The following MAGED1 variants were observed in gnomAD, a reference collection of about 807,000 sequenced individuals.
MAGED1 encodes MAGE family member D1.
A neutral mutation model predicts 54.1 loss-of-function variants in MAGED1; 3 were observed. That is an observed-to-expected ratio of 0.06 (90% CI 0.03 to 0.14). The LOEUF is 0.14. Among genes scored for constraint, MAGED1 ranks in the 10% least tolerant of loss-of-function variants. The probability of loss-of-function intolerance (pLI) is 1.00; values close to 1 mark genes in which losing one functional copy is unlikely to be tolerated. For synonymous variants in MAGED1, 217 were observed against 227.3 expected (o/e 0.95, Z 0.41); for missense variants, 485 against 623.4 (o/e 0.78, Z 2.36).
chrX:51,886,745 G>T (rs782089974), intron 1 of MAGED1, among the ~76,000 whole-genome samples: 25 of 111,171 alleles, frequency 2.2e-4, no homozygotes, highest in African/African-American at 8.2e-4. Flanking sequence ...CTAGCAATGA[G>T]CACGTGGAAA....
chrX:51,809,122 A>T lies in MAGED1; in HGVS notation c.-37+6005A>T, dbSNP rs1022535529. Among the ~76,000 whole-genome samples the T allele has an allele frequency of 6.3e-4, 66 of 105,562 alleles. 1 individual carries two copies. Among genetic ancestry groups the T allele is most frequent in the South Asian group, 1.2e-3 (3 of 2,450 alleles). 91.7% of individuals were successfully genotyped at this position (105,562 alleles called of 115,157 possible). A position where few individuals can be genotyped will look rare whatever the true frequency, so the allele number is the denominator to read the frequency against. On this transcript the variant is annotated intron_variant, in intron 1 of 12. Coordinates refer to the MAGED1 transcript ENST00000375772. ...TCCCCTTTTTATTTTATTTTATTTTATTTTTTTTTTGAGACGGAGTCTCGC... is the reference window on the plus strand; with the variant it reads ...TCCCCTTTTTATTTTATTTTATTTTTTTTTTTTTTTGAGACGGAGTCTCGC...
chrX:51,894,891 G>A (rs2147016904), intron 2 of MAGED1, 162 bp from the exon 3 acceptor site: 7 of 935,797 alleles, frequency 7.5e-6, no homozygotes, highest in South Asian at 5.5e-5. Context: ...GTCCCCCATC[G>A]CCCCTCGCGG....
chrX:51,810,377 T>C (rs1925175996), intron 1 of MAGED1, among the ~76,000 whole-genome samples: 1 of 112,351 alleles, frequency 8.9e-6, no homozygotes, highest in Non-Finnish European at 1.9e-5. Context: ...TTAGTTGTGC[T>C]CTTTTCCCTG....
At chrX:51,884,307 A>G (rs1928166312) in intron 1 of MAGED1, among the ~76,000 whole-genome samples, 1 of 111,805 alleles carries the variant, frequency 8.9e-6, no homozygotes. Context: ...GCAATGACAG[A>G]CAGAAGCTCT....
chrX:51,850,317 C>A (rs1926839907), intron 1 of MAGED1, among the ~76,000 whole-genome samples: 1 of 111,965 alleles, frequency 8.9e-6, no homozygotes, highest in African/African-American at 3.2e-5. Context: ...AAGGAAATTA[C>A]CAGTATTTGG....
intron 1 of MAGED1, among the ~76,000 whole-genome samples, chrX:51,872,553 T>C (rs1927719811): frequency 8.9e-6 from 1 of 112,467 alleles, no homozygotes; most frequent in African/African-American, 3.2e-5. Flanking sequence ...ATATGTTATG[T>C]TACATTTCTG....
chrX:51,900,320 T>C, intron 11 of MAGED1, 24 bp downstream of exon 11: 1 of 1,127,110 alleles, frequency 8.9e-7, no homozygotes, highest in Non-Finnish European at 1.2e-6. Flanking sequence ...TGTTCCAGCA[T>C]TGATAGGTCA....
At chrX:51,869,562 A>AC (rs1557361346) in intron 1 of MAGED1, among the ~76,000 whole-genome samples, 1 of 109,561 alleles carries the variant, frequency 9.1e-6, no homozygotes, top group African/African-American at 3.3e-5. Context: ...TTCATTTTTA[A>AC]TTTTTTTTTA....
intron 1 of MAGED1, among the ~76,000 whole-genome samples, chrX:51,837,520 A>G (rs1355801669): frequency 8.9e-6 from 1 of 112,158 alleles, no homozygotes; most frequent in Non-Finnish European, 1.9e-5. Flanking sequence ...TTTACAATGA[A>G]GCCTTTGTGC....
intron 1 of MAGED1, among the ~76,000 whole-genome samples, chrX:51,850,670 A>G (rs1602236381): frequency 9.0e-6 from 1 of 111,231 alleles, no homozygotes; most frequent in Middle Eastern, 4.6e-3. Context: ...AGGCCAAGGC[A>G]GGCACATCAC....
chrX:51,844,754 T>C (rs1319603321), intron 1 of MAGED1, among the ~76,000 whole-genome samples: 2 of 111,685 alleles, frequency 1.8e-5, no homozygotes, highest in Non-Finnish European at 3.8e-5. Context: ...AGGATAGATA[T>C]CTGGAGGAAG....
chrX:51,856,547 C>T (rs1038541048), intron 1 of MAGED1, among the ~76,000 whole-genome samples: 20 of 112,103 alleles, frequency 1.8e-4, no homozygotes, highest in African/African-American at 6.2e-4. Flanking sequence ...AACTGTTACT[C>T]ATGTTCTTTG....
intron 1 of MAGED1, among the ~76,000 whole-genome samples, chrX:51,849,141 G>A (rs1265814753): frequency 9.1e-6 from 1 of 110,417 alleles, no homozygotes; most frequent in African/African-American, 3.3e-5. Context: ...ATTTTTTTCT[G>A]AATGATTAAT....
At chrX:51,803,627 CTTTTTTTTT>C (rs1179676499) in intron 1 of MAGED1, among the ~76,000 whole-genome samples, 1 of 60,467 alleles carries the variant, frequency 1.7e-5, no homozygotes, top group Admixed American at 2.1e-4. Flanking sequence ...AAGGTCAAGG[CTTTTTTTTT>C]TTTTTTTTTT....
At chrX:51,817,411 A>G (rs1250598662) in intron 1 of MAGED1, among the ~76,000 whole-genome samples, 2 of 111,867 alleles carry the variant, frequency 1.8e-5, no homozygotes, top group Non-Finnish European at 3.8e-5. Context: ...CCCCATACCC[A>G]ATATTGTTGA....
chrX:51,873,057 AAT>A (rs200131318), intron 1 of MAGED1, among the ~76,000 whole-genome samples: 361 of 108,581 alleles, frequency 3.3e-3, no homozygotes, highest in African/African-American at 0.012. Flanking sequence ...AAAAAAAAAA[AAT>A]AAATAAAAAA....
intron 1 of MAGED1, among the ~76,000 whole-genome samples, chrX:51,808,433 G>T (rs1302986095): frequency 2.7e-5 from 3 of 112,221 alleles, no homozygotes; most frequent in African/African-American, 9.7e-5. Flanking sequence ...AATAGGCTGT[G>T]CATGGTGACT....
At chrX:51,857,402 G>C (rs1380214161) in intron 1 of MAGED1, 2 of 111,564 alleles carry the variant, frequency 1.8e-5, no homozygotes, top group Admixed American at 1.9e-4. Flanking sequence ...TAACATGAGA[G>C]AATTCATAGT....
chrX:51,847,724 C>T (rs73634254), intron 1 of MAGED1, among the ~76,000 whole-genome samples: 43 of 110,633 alleles, frequency 3.9e-4, no homozygotes, highest in African/African-American at 1.3e-3. Context: ...GCAAACTAGT[C>T]GGAGATTCTC....
Sources: gnomAD v4.1 joint callset for allele counts (sites outside exome capture counted in the v4.1 genomes callset) on GRCh38, gnomAD v4.1.1 for gene constraint, MANE v1.5 for transcripts, NCBI Gene and HGNC (gene_info 2026-07-23, HGNC 2026-07-21) for gene names.